Variants in ARHGAP12 observed in about 807,000 individuals in gnomAD.
ARHGAP12 encodes the protein rho GTPase-activating protein 12.
Under a neutral mutation model 108.6 loss-of-function variants are expected in ARHGAP12, and 64 were observed. The ratio of observed to expected loss-of-function variants is 0.59; its 90% CI spans 0.48 to 0.73. The LOEUF (loss-of-function observed/expected upper bound fraction) is 0.73. Ranked by LOEUF, ARHGAP12 falls within the 30% of genes least tolerant of loss-of-function variation. ARHGAP12 has a pLI of 0.00. For missense variants in ARHGAP12, 940 were observed against 1,005.9 expected (o/e 0.93, Z 0.89); for synonymous variants, 312 against 337.2 (o/e 0.93, Z 0.82).
Position 31,915,255 on chromosome 10 carries a change from G to A in ARHGAP12, c.-110-4692C>T, listed in dbSNP as rs144085928. Among the ~76,000 whole-genome samples the A allele has an allele frequency of 8.2e-3, 1,252 of 152,096 alleles. 16 individuals are homozygous for A. The highest frequency in any genetic ancestry group is 0.029 in the African/African-American group (1,202 of 41,496). On this transcript the variant is annotated intron_variant, in intron 1 of 19. Coordinates refer to ENST00000344936, the MANE Select transcript of ARHGAP12 (RefSeq NM_018287.7). ...TACAAAATTAGCCAGGCGTGGTAGC[G>A]CATGCCTGTAATCTCAGCTACTTGG... is the stretch of plus-strand genomic sequence containing the variant.
At chr10:31,891,834 T>C (rs969646068) in intron 3 of ARHGAP12, among the ~76,000 whole-genome samples, 1 of 152,222 alleles carries the variant, frequency 6.6e-6, no homozygotes, top group Non-Finnish European at 1.5e-5. Flanking sequence ...ATTCATTTGA[T>C]CCTCCATCAC....
At position 31,908,549 on chromosome 10, in the gene ARHGAP12, A is replaced by G; in HGVS notation, c.307T>C (p.Ser103Pro). The G allele has an allele frequency of 1.9e-6, 3 of 1,614,122 alleles. No homozygotes were observed. The highest frequency in any genetic ancestry group is 2.5e-6 in the Non-Finnish European group (3 of 1,180,030). ...KIMQSLHLQR[S>P]TENVNKLPEL... is the part of the protein sequence containing the mutation. Reference sequence around the variant, plus strand: ...GGCAATTTGTTCACATTTTCTGTTGATCTCTGAAGATGCAAACTCTGCATT... The same window carrying G: ...GGCAATTTGTTCACATTTTCTGTTGGTCTCTGAAGATGCAAACTCTGCATT... The change falls in exon 3 of 20, where the codon TCA becomes CCA. Residue 103 changes from serine to proline, a missense_variant. Coordinates refer to ENST00000344936, the MANE Select transcript of ARHGAP12 (RefSeq NM_018287.7).
intron 3 of ARHGAP12, among the ~76,000 whole-genome samples, chr10:31,880,871 G>T (rs1237889534): frequency 6.6e-6 from 1 of 150,968 alleles, no homozygotes; most frequent in Non-Finnish European, 1.5e-5. Flanking sequence ...GCCAGCCTGG[G>T]CAACGTGGCA....
At chr10:31,902,109 G>A (rs915099026) in intron 3 of ARHGAP12, among the ~76,000 whole-genome samples, 1 of 152,042 alleles carries the variant, frequency 6.6e-6, no homozygotes, top group Admixed American at 6.6e-5. Context: ...TAAAGTGAGA[G>A]AAATCAGTTT....
chr10:31,873,645 C>T (rs1168604495), intron 3 of ARHGAP12, among the ~76,000 whole-genome samples: 1 of 152,122 alleles, frequency 6.6e-6, no homozygotes, highest in Non-Finnish European at 1.5e-5. Flanking sequence ...AGTCTAGAAA[C>T]AAATGAATAA....
At chr10:31,811,291 TAAAAA>T (rs1267308480) in intron 15 of ARHGAP12, among the ~76,000 whole-genome samples, 1 of 152,204 alleles carries the variant, frequency 6.6e-6, no homozygotes, top group East Asian at 1.9e-4. Flanking sequence ...TTGATTATTT[TAAAAA>T]CTATTAAAAT....
intron 1 of ARHGAP12, among the ~76,000 whole-genome samples, chr10:31,912,388 G>C (rs985484453): frequency 1.3e-5 from 2 of 152,222 alleles, no homozygotes; most frequent in Admixed American, 1.3e-4. Flanking sequence ...TTTCACACTA[G>C]TGGGAGAGGA....
intron 11 of ARHGAP12, among the ~76,000 whole-genome samples, chr10:31,822,188 C>A (rs926890171): frequency 1.3e-5 from 2 of 152,146 alleles, no homozygotes; most frequent in African/African-American, 2.4e-5. Flanking sequence ...CCAATGTATT[C>A]ATCACAAAGA....
intron 3 of ARHGAP12, among the ~76,000 whole-genome samples, chr10:31,866,950 T>C (rs1837349724): frequency 6.6e-6 from 1 of 152,112 alleles, no homozygotes; most frequent in African/African-American, 2.4e-5. Context: ...AATCTAAAGT[T>C]GGATGGCATT....
chr10:31,908,298 C>T lies in ARHGAP12; in HGVS notation c.558G>A (p.Leu186=). The T allele has an allele frequency of 1.2e-6, 2 of 1,614,120 alleles. No individual in the cohort carries two copies. Among genetic ancestry groups the T allele is most frequent in the Non-Finnish European group, 1.7e-6 (2 of 1,180,020 alleles). Residue 186 remains leucine (L), a synonymous_variant, in exon 3 of 20, where the codon TTG becomes TTA. Transcript: ENST00000344936. ...GGGAGAAGCTAGTTTTCTCTACATC[C>T]AAGAACTCTGGACCGGGAAAATGAC... The part of the protein sequence containing the change: ...SFGHFPGPEF[L]DVEKTSFSQE...
intron 3 of ARHGAP12, among the ~76,000 whole-genome samples, chr10:31,884,396 C>A (rs1838115183): frequency 6.6e-6 from 1 of 151,042 alleles, no homozygotes; most frequent in Admixed American, 6.6e-5. Flanking sequence ...TCTGCTTCTA[C>A]ATTCAATATT....
At chr10:31,911,782 A>G (rs1232877839) in intron 1 of ARHGAP12, among the ~76,000 whole-genome samples, 4 of 152,222 alleles carry the variant, frequency 2.6e-5, no homozygotes, top group Admixed American at 2.6e-4. Context: ...TGTCAAAAGC[A>G]TGTTTCACCT....
intron 3 of ARHGAP12, among the ~76,000 whole-genome samples, chr10:31,907,110 C>T (rs112857314): frequency 3.2e-4 from 48 of 152,228 alleles, no homozygotes; most frequent in African/African-American, 1.1e-3. Flanking sequence ...ACTTCCATGA[C>T]AATCAGACCA....
chr10:31,835,176 C>T (rs1268739673), intron 9 of ARHGAP12, among the ~76,000 whole-genome samples: 4 of 141,552 alleles, frequency 2.8e-5, no homozygotes, highest in African/African-American at 5.3e-5. Context: ...CCAGCCTGGG[C>T]GACAGAGCGA....
chr10:31,820,876 G>A (rs560328837), intron 11 of ARHGAP12, among the ~76,000 whole-genome samples: 1 of 151,980 alleles, frequency 6.6e-6, no homozygotes, highest in South Asian at 2.1e-4. Context: ...AGAAAAATTG[G>A]TAATGCTATA....
At chr10:31,825,347 C>T (rs114215090) in intron 11 of ARHGAP12, among the ~76,000 whole-genome samples, 1 of 152,152 alleles carries the variant, frequency 6.6e-6, no homozygotes. Context: ...TTTAAAGAAA[C>T]TCATTAATTG....
At chr10:31,875,825 A>G (rs2132348646) in intron 3 of ARHGAP12, among the ~76,000 whole-genome samples, 1 of 152,174 alleles carries the variant, frequency 6.6e-6, no homozygotes, top group South Asian at 2.1e-4. Flanking sequence ...CTCCATACTC[A>G]CTAAACATTA....
rs542154566 is a variant in ARHGAP12 at position 31,880,090 on chromosome 10, T to C, written c.685-18432A>G. 6.6e-5 allele frequency among the ~76,000 whole-genome samples: 10 copies of C among 152,364 alleles called. No homozygotes were observed. The South Asian group carries it at 1.9e-3, about 28-fold the overall frequency. On this transcript the variant is annotated intron_variant, in intron 3 of 19. Transcript: ENST00000344936. ...ATCATATTCTTCGAACTGTGCACGA[T>C]ACAAGGTACATAGCTGGTGCTCAAT...
Position 31,908,337 on chromosome 10 carries a change from C to A in ARHGAP12, c.519G>T (p.Arg173Ser). 1 of 1,614,092 alleles carries A rather than the reference C, an allele frequency of 6.2e-7. No individual in the cohort carries two copies. Among genetic ancestry groups the A allele is most frequent in the African/African-American group, 1.3e-5 (1 of 75,024 alleles). Reference protein sequence around the residue: ...SHSPKVSSQNRTRSFGHFPGP... With the variant: ...SHSPKVSSQNSTRSFGHFPGP... ...CGGGAAAATGACCAAATGAGCGTGT[C>A]CTATTCTGGCTGGAAACTTTAGGAG... Residue 173 changes from arginine (R) to serine (S), a missense_variant, in exon 3 of 20, where the codon AGG (arginine) becomes AGT (serine). Transcript: ENST00000344936.
Sources: allele counts gnomAD v4.1 joint callset (sites outside exome capture counted in the v4.1 genomes callset), GRCh38; gene constraint gnomAD v4.1.1; transcripts MANE v1.5; gene names NCBI Gene and HGNC (gene_info 2026-07-23, HGNC 2026-07-21).